TUSC3: variants seen among roughly 807,000 people sequenced by gnomAD.
The protein encoded by TUSC3 is dolichyl-diphosphooligosaccharide--protein glycosyltransferase subunit TUSC3.
A neutral mutation model predicts 44.8 loss-of-function variants in TUSC3; 45 were observed. The ratio of observed to expected loss-of-function variants is 1.00; its 90% CI spans 0.79 to 1.29. The LOEUF is 1.29. Ranked by LOEUF, TUSC3 falls within the 50% of genes most tolerant of loss-of-function variation. TUSC3 has a pLI of 0.00. For synonymous variants in TUSC3, 212 were observed against 152.9 expected (o/e 1.39, Z -2.85); for missense variants, 519 against 437.9 (o/e 1.19, Z -1.65).
intron 1 of TUSC3, among the ~76,000 whole-genome samples, chr8:15,606,010 G>A (rs1267288742): frequency 6.6e-6 from 1 of 151,872 alleles, no homozygotes; most frequent in African/African-American, 2.4e-5. Flanking sequence ...ATCACCCGAG[G>A]TTCTCCTGTA....
rs192071173 is a variant in TUSC3, at chr8:15,704,827, T to A, written c.799-25839T>A. 2.4e-3 allele frequency among the ~76,000 whole-genome samples: 361 copies of A among 152,140 alleles called. 2 individuals are homozygous for A. The highest frequency in any genetic ancestry group is 5.7e-4 in the Non-Finnish European group (39 of 67,994). ...TAGGAAGGATCGTTACTTCTTACGT[T>A]TGATTTTTTAGATAAACTGGGAATC... On this transcript the variant is annotated intron_variant, in intron 6 of 10. Transcript: ENST00000503731.
chr8:15,522,381 C>T (rs62502546), intron 2 of TUSC3, among the ~76,000 whole-genome samples: 9,826 of 152,090 alleles, frequency 0.065, 356 homozygotes, highest in Middle Eastern at 0.14. Flanking sequence ...TACAGGCCTG[C>T]GCCAGCACAC....
chr8:15,538,792 A>G (rs560198346), upstream of TUSC3, among the ~76,000 whole-genome samples: 1 of 151,978 alleles, frequency 6.6e-6, no homozygotes, highest in South Asian at 2.1e-4. Context: ...GTTGTTGCAG[A>G]TATCTTGAAC....
intron 1 of TUSC3, among the ~76,000 whole-genome samples, chr8:15,599,419 G>A (rs1000116582): frequency 2.0e-5 from 3 of 151,706 alleles, no homozygotes; most frequent in South Asian, 2.1e-4. Context: ...GAGAGCAGAA[G>A]TTTTAAATTT....
intron 1 of TUSC3, among the ~76,000 whole-genome samples, chr8:15,481,405 C>T (rs1800659315): frequency 6.6e-6 from 1 of 152,098 alleles, no homozygotes; most frequent in African/African-American, 2.4e-5. Flanking sequence ...CTCTTGTTCC[C>T]TCTTTTGCTC....
In TUSC3 at chr8:15,659,744, A is replaced by G. The variant is rs543996564; in HGVS notation, c.567+97A>G. ...CACAGTAATACTTTTTAATTTCTCT[A>G]TGGTTGTTTCTCCTTGCATAGAGAA... On this transcript the variant is annotated intron_variant, in intron 4 of 10. Coordinates refer to ENST00000503731, the MANE Select transcript of TUSC3 (RefSeq NM_006765.4). 1.1e-4 allele frequency: 160 copies of G among 1,515,842 alleles called. 1 individual carries two copies. In the African/African-American group the frequency reaches 1.1e-3, roughly 11 times the overall value. 93.9% of individuals were successfully genotyped at this position (1,515,842 alleles called of 1,614,324 possible). A position where few individuals can be genotyped will look rare whatever the true frequency, so the allele number is the denominator to read the frequency against.
At chr8:15,432,707 C>T (rs1009632134) in intron 1 of TUSC3, among the ~76,000 whole-genome samples, 2 of 152,056 alleles carry the variant, frequency 1.3e-5, no homozygotes, top group South Asian at 2.1e-4. Context: ...TATGCACCTC[C>T]GAACTGTGAA....
At chr8:15,504,185 G>C (rs1801013748) in intron 2 of TUSC3, among the ~76,000 whole-genome samples, 1 of 152,058 alleles carries the variant, frequency 6.6e-6, no homozygotes, top group Non-Finnish European at 1.5e-5. Context: ...GACTGCCTGG[G>C]TTCAAATGCT....
At chr8:15,610,530 G>A (rs1181671675) in intron 1 of TUSC3, among the ~76,000 whole-genome samples, 1 of 152,088 alleles carries the variant, frequency 6.6e-6, no homozygotes, top group Non-Finnish European at 1.5e-5. Flanking sequence ...TTAACATCTG[G>A]CAACAGCAAT....
chr8:15,825,990 T>C, the TUSC3 span, among the ~76,000 whole-genome samples: 1 of 150,932 alleles, frequency 6.6e-6, no homozygotes, highest in Non-Finnish European at 1.5e-5. Context: ...AAAATAAAAA[T>C]GTGCTGATGT....
chr8:15,608,782 C>T (rs4355766), intron 1 of TUSC3, among the ~76,000 whole-genome samples: 40,954 of 152,074 alleles, frequency 0.27, 6,129 homozygotes, highest in Non-Finnish European at 0.33. Flanking sequence ...TGAGGCTCTC[C>T]AGCCATGCGT....
Position 15,757,777 on chromosome 8 carries a change from G to A in TUSC3, c.1029-14G>A. The A allele has an allele frequency of 6.8e-7, 1 of 1,481,332 alleles. No homozygotes were observed. The highest frequency in any genetic ancestry group is 9.4e-7 in the Non-Finnish European group (1 of 1,059,326). 91.8% of individuals were successfully genotyped at this position (1,481,332 alleles called of 1,614,324 possible). On this transcript the variant is annotated splice_polypyrimidine_tract_variant and intron_variant, in intron 9 of 10. Transcript: ENST00000503731. ...TTTCCATATTGTTGTATTTCATTGT[G>A]GTGTATTGGAAAGTGATCTGGACTT...
At chr8:15,477,532 C>T (rs1185955978) in intron 1 of TUSC3, among the ~76,000 whole-genome samples, 1 of 151,978 alleles carries the variant, frequency 6.6e-6, no homozygotes, top group Non-Finnish European at 1.5e-5. Context: ...ACCATCCTGG[C>T]TAACATGGTG....
chr8:15,458,262 A>T (rs1002493695), intron 1 of TUSC3, among the ~76,000 whole-genome samples: 12 of 152,106 alleles, frequency 7.9e-5, no homozygotes, highest in African/African-American at 2.7e-4. Flanking sequence ...TTTTTAAGAC[A>T]AGGTCTTACT....
chr8:15,638,599 C>G (rs915256732), intron 2 of TUSC3, among the ~76,000 whole-genome samples: 1 of 143,284 alleles, frequency 7.0e-6, no homozygotes, highest in Admixed American at 7.4e-5. Context: ...TCTCTGCTCA[C>G]TGCAACCTCT....
chr8:15,428,367 C>G (rs1399519710), intron 1 of TUSC3, among the ~76,000 whole-genome samples: 2 of 151,842 alleles, frequency 1.3e-5, no homozygotes, highest in African/African-American at 2.4e-5. Flanking sequence ...TCCAGTCTAT[C>G]ATTGTTGGAC....
the TUSC3 span, among the ~76,000 whole-genome samples, chr8:15,832,212 G>T: frequency 0.091 from 13,874 of 152,056 alleles, 748 homozygotes; most frequent in Middle Eastern, 0.18. Flanking sequence ...AAGCAAAGGA[G>T]GAACAAGATC....
the TUSC3 span, among the ~76,000 whole-genome samples, chr8:15,786,380 G>A: frequency 2.6e-5 from 4 of 152,180 alleles, no homozygotes; most frequent in Non-Finnish European, 4.4e-5. Context: ...CTTTTAAGGG[G>A]AAAATATTTT....
At chr8:15,465,002 A>C (rs963653342) in intron 1 of TUSC3, among the ~76,000 whole-genome samples, 1 of 152,118 alleles carries the variant, frequency 6.6e-6, no homozygotes, top group Non-Finnish European at 1.5e-5. Context: ...GGCACCTGCC[A>C]CCATGCCCAG....
Sources: allele counts gnomAD v4.1 joint callset (sites outside exome capture counted in the v4.1 genomes callset), GRCh38; gene constraint gnomAD v4.1.1; transcripts MANE v1.5; gene names NCBI Gene and HGNC (gene_info 2026-07-23, HGNC 2026-07-21).